The following EVI5 variants were observed in gnomAD, a reference collection of about 807,000 sequenced individuals.
EVI5 encodes ecotropic viral integration site 5, also known as ecotropic viral integration site 5 protein homolog.
A neutral mutation model predicts 112.0 loss-of-function variants in EVI5; 73 were observed. That is an observed-to-expected ratio of 0.65 (90% CI 0.54 to 0.79). The LOEUF is 0.79. Ranked by LOEUF, EVI5 falls within the 30% of genes least tolerant of loss-of-function variation. The probability of loss-of-function intolerance (pLI) is 0.00; values close to 1 mark genes in which losing one functional copy is unlikely to be tolerated. For synonymous variants in EVI5, 305 were observed against 319.9 expected (o/e 0.95, Z 0.50); for missense variants, 900 against 968.8 (o/e 0.93, Z 0.94).
intron 14 of EVI5, among the ~76,000 whole-genome samples, chr1:92,633,119 G>A (rs2101870126): frequency 6.6e-6 from 1 of 152,320 alleles, no homozygotes; most frequent in East Asian, 1.9e-4. Context: ...TGGAGTAGGT[G>A]TTGTGTGCTG....
chr1:92,715,194 G>A (rs1392085259), intron 2 of EVI5, among the ~76,000 whole-genome samples: 1 of 151,964 alleles, frequency 6.6e-6, no homozygotes, highest in Non-Finnish European at 1.5e-5. Flanking sequence ...TTTTAGTAGA[G>A]ACAGGGTTTC....
chr1:92,680,742 T>C (rs1170305466), intron 9 of EVI5, among the ~76,000 whole-genome samples: 1 of 152,242 alleles, frequency 6.6e-6, no homozygotes, highest in Admixed American at 6.5e-5. Flanking sequence ...ATATCATATA[T>C]ATCGTATGGT....
chr1:92,545,899 G>A (rs984801631), intron 19 of EVI5, among the ~76,000 whole-genome samples: 4 of 151,740 alleles, frequency 2.6e-5, no homozygotes, highest in African/African-American at 9.7e-5. Context: ...CTCTCTGCTT[G>A]AAATATCCTC....
chr1:92,686,982 T>C (rs1033318546), intron 9 of EVI5, among the ~76,000 whole-genome samples: 1 of 152,142 alleles, frequency 6.6e-6, no homozygotes, highest in Admixed American at 6.5e-5. Context: ...ATTTATAGAT[T>C]AAATGCCATC....
chr1:92,602,039 A>C (rs1649287394), intron 18 of EVI5, among the ~76,000 whole-genome samples: 1 of 152,188 alleles, frequency 6.6e-6, no homozygotes, highest in Non-Finnish European at 1.5e-5. Flanking sequence ...GAATATGTGC[A>C]CTTTATGGGG....
At chr1:92,790,174 A>G (rs998662075) in intron 1 of EVI5, among the ~76,000 whole-genome samples, 4 of 152,234 alleles carry the variant, frequency 2.6e-5, no homozygotes, top group Non-Finnish European at 4.4e-5. Context: ...AAAATTAGCT[A>G]GGTATGTTGG....
In EVI5 at chr1:92,611,508, C is replaced by T. The variant is rs147140739; in HGVS notation, c.1828-3781G>A. 2.3e-3 allele frequency among the ~76,000 whole-genome samples: 350 copies of T among 149,788 alleles called. 1 individual carries two copies. Among genetic ancestry groups the T allele is most frequent in the African/African-American group, 8.2e-3 (333 of 40,778 alleles). ...GGTCAGGAGATTGCAACCATCCTGG[C>T]TAACACAATGAAACCCTGTCTCTAC... On this transcript the variant is annotated intron_variant, in intron 16 of 19. Transcript: ENST00000684568.
intron 1 of EVI5, among the ~76,000 whole-genome samples, chr1:92,779,380 G>T (rs1344596299): frequency 6.6e-6 from 1 of 152,030 alleles, no homozygotes; most frequent in African/African-American, 2.4e-5. Flanking sequence ...AAAATTAGCT[G>T]GGCATGATGG....
intron 1 of EVI5, among the ~76,000 whole-genome samples, chr1:92,771,216 C>T (rs1440081105): frequency 3.3e-5 from 5 of 152,068 alleles, no homozygotes; most frequent in Admixed American, 3.3e-4. Flanking sequence ...TCCTTGGTTT[C>T]CTTTTATAGT....
In EVI5 at chr1:92,665,959, G is replaced by A. The variant is rs200507358; in HGVS notation, c.1192C>T (p.Arg398Cys). ...LRTENRLLKQ[R>C]IETLEKESAS... ...CTTACTTTTTCTAATGTCTCGATGC[G>A]CTGTTTTAAAAGTCTATTTTCTGTG... The change falls in exon 11 of 20, where the codon CGC becomes TGC. Residue 398 changes from arginine (R) to cysteine (C), a missense_variant. Arg to Cys is a radical substitution (Grantham distance 180). Coordinates refer to ENST00000684568, the MANE Select transcript of EVI5 (RefSeq NM_001350197.2). 34 of 1,606,664 alleles carry A rather than the reference G, an allele frequency of 2.1e-5. No homozygotes were observed. Among genetic ancestry groups the A allele is most frequent in the South Asian group, 9.0e-5 (8 of 89,354 alleles).
rs887459123 is a variant in EVI5 at position 92,510,931 on chromosome 1, A to C, written c.*2725T>G. Reference sequence around the variant, plus strand: ...TCTTGATGTGAGGGTCAAAGCAATAATGTGGCCATGCATCATCTCACTTCA... The same window carrying C: ...TCTTGATGTGAGGGTCAAAGCAATACTGTGGCCATGCATCATCTCACTTCA... On this transcript the variant is annotated 3_prime_UTR_variant, in exon 20 of 20. Transcript: ENST00000684568. The C allele has an allele frequency of 6.6e-6, 1 of 152,232 alleles. No homozygotes were observed. Among genetic ancestry groups the C allele is most frequent in the Non-Finnish European group, 1.5e-5 (1 of 68,056 alleles). 9.4% of individuals were successfully genotyped at this position (152,232 alleles called of 1,614,324 possible).
At chr1:92,661,085 A>T (rs1663925750) in intron 13 of EVI5, among the ~76,000 whole-genome samples, 1 of 152,026 alleles carries the variant, frequency 6.6e-6, no homozygotes, top group African/African-American at 2.4e-5. Flanking sequence ...ACAGGACTAG[A>T]ATCTAGTTCC....
intron 2 of EVI5, among the ~76,000 whole-genome samples, chr1:92,716,851 T>C (rs367582563): frequency 1.5e-5 from 2 of 137,920 alleles, no homozygotes; most frequent in East Asian, 4.4e-4. Context: ...CCAATTCGAT[T>C]CTAAAAACCA....
At chr1:92,634,513 G>T (rs192233003) in intron 14 of EVI5, among the ~76,000 whole-genome samples, 45 of 152,096 alleles carry the variant, frequency 3.0e-4, no homozygotes, top group Non-Finnish European at 5.1e-4. Context: ...TTCTCGTGCC[G>T]TGGTTTTCAG....
intron 19 of EVI5, among the ~76,000 whole-genome samples, chr1:92,544,172 G>A (rs181477522): frequency 9.2e-5 from 14 of 152,290 alleles, no homozygotes; most frequent in Non-Finnish European, 1.3e-4. Context: ...AGGGTTGGGG[G>A]AATAAGGCTT....
intron 14 of EVI5, among the ~76,000 whole-genome samples, chr1:92,628,073 C>A (rs1016433470): frequency 1.3e-5 from 2 of 152,190 alleles, no homozygotes; most frequent in African/African-American, 2.4e-5. Flanking sequence ...CAGGCGTGAG[C>A]CACCGCACCC....
chr1:92,743,603 T>C (rs533633825), intron 1 of EVI5, among the ~76,000 whole-genome samples: 4 of 152,240 alleles, frequency 2.6e-5, no homozygotes, highest in African/African-American at 9.6e-5. Context: ...GTGATGGTGG[T>C]TGTACAACAA....
At chr1:92,703,660 G>T in intron 3 of EVI5, 41 bp from the exon 4 acceptor site, 1 of 1,240,076 alleles carries the variant, frequency 8.1e-7, no homozygotes, top group Non-Finnish European at 1.1e-6. Flanking sequence ...TTATTTAAGT[G>T]TCCTATCTTG....
chr1:92,573,250 A>G (rs1315938222), intron 18 of EVI5, among the ~76,000 whole-genome samples: 2 of 152,108 alleles, frequency 1.3e-5, no homozygotes, highest in African/African-American at 4.8e-5. Flanking sequence ...TAGGAACAGG[A>G]CTTGAAAATA....
Sources: allele counts gnomAD v4.1 joint callset (sites outside exome capture counted in the v4.1 genomes callset), GRCh38; gene constraint gnomAD v4.1.1; transcripts MANE v1.5; gene names NCBI Gene and HGNC (gene_info 2026-07-23, HGNC 2026-07-21).